Variants in SMAP2 observed in about 807,000 individuals in gnomAD.
SMAP2 encodes small ArfGAP2, also known as stromal membrane-associated protein 2.
A neutral mutation model predicts 56.4 loss-of-function variants in SMAP2; 25 were observed. The ratio of observed to expected loss-of-function variants is 0.44; its 90% confidence interval spans 0.32 to 0.62. SMAP2 has a LOEUF of 0.62. Ranked by LOEUF, SMAP2 falls within the 20% of genes least tolerant of loss-of-function variation. The pLI is 0.04. For missense variants in SMAP2, 388 were observed against 545.6 expected, an observed-to-expected ratio of 0.71 and a Z score of 2.88; for synonymous variants, 157 against 181.7, an observed-to-expected ratio of 0.86 and a Z score of 1.09.
chr1:40,383,330 T>C (rs1323892273), intron 1 of SMAP2, among the ~76,000 whole-genome samples: 1 of 152,114 alleles, frequency 6.6e-6, no homozygotes, highest in African/African-American at 2.4e-5. Context: ...CTCCTGCCTC[T>C]TATCCTCCTC....
chr1:40,345,851 ATATAT>A (rs1334762892), intron 1 of SMAP2, among the ~76,000 whole-genome samples: 5 of 123,812 alleles, frequency 4.0e-5, no homozygotes, highest in African/African-American at 1.4e-4. Context: ...CTTTTCTCTT[ATATAT>A]TATATTATAT....
At chr1:40,347,245 GTTTTTGTTTT>G (rs1644392607) in intron 1 of SMAP2, among the ~76,000 whole-genome samples, 1 of 47,376 alleles carries the variant, frequency 2.1e-5, no homozygotes, top group African/African-American at 5.7e-5. Flanking sequence ...TGTGTGTTTT[GTTTTTGTTTT>G]TTTTTTTTTT....
intron 9 of SMAP2, among the ~76,000 whole-genome samples, chr1:40,417,302 A>G (rs1474605652): frequency 6.6e-6 from 1 of 151,602 alleles, no homozygotes; most frequent in Non-Finnish European, 1.5e-5. Flanking sequence ...CTCCTGTAGA[A>G]TAAGCCCAAC....
At chr1:40,372,202 A>G (rs2124193979), upstream of SMAP2, among the ~76,000 whole-genome samples, 1 of 151,968 alleles carries the variant, frequency 6.6e-6, no homozygotes, top group South Asian at 2.1e-4. Flanking sequence ...GGCTATTTGC[A>G]GAGTGAGGAG....
intron 2 of SMAP2, among the ~76,000 whole-genome samples, chr1:40,407,545 T>C (rs1006951524): frequency 2.0e-5 from 3 of 152,126 alleles, no homozygotes; most frequent in African/African-American, 7.2e-5. Flanking sequence ...ATCATAGACT[T>C]ATGGGAAAAT....
intron 1 of SMAP2, among the ~76,000 whole-genome samples, chr1:40,357,811 C>A (rs529746334): frequency 6.6e-6 from 1 of 152,212 alleles, no homozygotes; most frequent in African/African-American, 2.4e-5. Context: ...CAATGCCATG[C>A]TGTTTTGGTT....
At chr1:40,376,237 C>T (rs1333899550) in intron 1 of SMAP2, among the ~76,000 whole-genome samples, 1 of 152,210 alleles carries the variant, frequency 6.6e-6, no homozygotes, top group Admixed American at 6.5e-5. Context: ...AGGTGTGAGC[C>T]ACCATGCCCA....
At chr1:40,398,257 C>T (rs1002270609) in intron 1 of SMAP2, among the ~76,000 whole-genome samples, 1 of 151,838 alleles carries the variant, frequency 6.6e-6, no homozygotes, top group African/African-American at 2.4e-5. Context: ...TTGACAAGGT[C>T]TCACTCTGTT....
chr1:40,404,723 A>C (rs755889788), intron 1 of SMAP2, among the ~76,000 whole-genome samples: 4 of 152,242 alleles, frequency 2.6e-5, no homozygotes, highest in Non-Finnish European at 4.4e-5. Flanking sequence ...GTGCCATTTT[A>C]AATCTTATAT....
chr1:40,350,582 G>A (rs972790529), intron 1 of SMAP2, among the ~76,000 whole-genome samples: 6 of 152,138 alleles, frequency 3.9e-5, no homozygotes, highest in Admixed American at 3.3e-4. Flanking sequence ...TTGCAAATCT[G>A]GGCTGCTTCC....
chr1:40,374,052 C>A lies in SMAP2; in HGVS notation c.-69C>A. 1 of 1,283,238 alleles carries A rather than the reference C, an allele frequency of 7.8e-7. No individual in the cohort carries two copies. The highest frequency in any genetic ancestry group is 2.5e-5 in the East Asian group (1 of 40,640). 79.5% of individuals were successfully genotyped at this position (1,283,238 alleles called of 1,614,324 possible). On this transcript the variant is annotated 5_prime_UTR_variant, in exon 1 of 10. Transcript: ENST00000372718. This position sits in a 1 kb window ranked among gnomAD's most constrained non-coding sequence, Gnocchi z 5.9. Reference sequence around the variant, plus strand: ...GCGGGGGACCGGGAGTCCTCAACCCCGGACTGAGGCAGGGGTCTCTGGGGG... The same window carrying A: ...GCGGGGGACCGGGAGTCCTCAACCCAGGACTGAGGCAGGGGTCTCTGGGGG...
At chr1:40,383,097 A>T (rs1283682937) in intron 1 of SMAP2, among the ~76,000 whole-genome samples, 1 of 152,202 alleles carries the variant, frequency 6.6e-6, no homozygotes, top group Middle Eastern at 3.2e-3. Flanking sequence ...GTAGGTTACA[A>T]GGCTGCTAGA....
intron 3 of SMAP2, 23 bp from the exon 4 acceptor site, chr1:40,409,734 C>T (rs2124349308): frequency 6.6e-7 from 1 of 1,524,212 alleles, no homozygotes; most frequent in Non-Finnish European, 9.1e-7. Context: ...TTGTTGGATT[C>T]ATCCTTAATA....
intron 1 of SMAP2, among the ~76,000 whole-genome samples, chr1:40,345,888 G>GTATTGTATTATATTATATTATATTA (rs1553187229): frequency 5.8e-5 from 7 of 120,126 alleles, no homozygotes; most frequent in Non-Finnish European, 1.2e-4. Flanking sequence ...ATATTGTATT[G>GTATTGTATTATATTATATTATATTA]TATTATATTA....
intron 2 of SMAP2, among the ~76,000 whole-genome samples, chr1:40,363,298 G>A (rs144444973): frequency 7.2e-5 from 11 of 152,080 alleles, no homozygotes; most frequent in African/African-American, 2.7e-4. Context: ...AGCTGGGAAG[G>A]TAAATCATGG....
chr1:40,407,538 A>G (rs569595547), intron 2 of SMAP2, among the ~76,000 whole-genome samples: 1 of 152,270 alleles, frequency 6.6e-6, no homozygotes, highest in Non-Finnish European at 1.5e-5. Context: ...CCTCCAAATC[A>G]TAGACTTATG....
rs544672227 is a variant in SMAP2, at chr1:40,352,013, G to T, written c.-83+7103G>T. On this transcript the variant is annotated intron_variant, in intron 1 of 6. Transcript: ENST00000435168. ...TCTCTCCCCAAGACTGCACACACCC[G>T]CACATCCATGAATTTTTTTTTCTTT... Among the ~76,000 whole-genome samples the T allele has an allele frequency of 2.8e-4, 42 of 151,934 alleles. 1 individual carries two copies. The highest frequency in any genetic ancestry group is 9.9e-4 in the African/African-American group (41 of 41,426).
intron 1 of SMAP2, 120 bp from the exon 2 acceptor site, chr1:40,406,616 T>TAA: frequency 9.5e-7 from 1 of 1,056,852 alleles, no homozygotes; most frequent in South Asian, 1.6e-5. Flanking sequence ...AATAAACAGG[T>TAA]GGTTATGGTA....
chr1:40,376,782 TA>T (rs922500959), intron 1 of SMAP2, among the ~76,000 whole-genome samples: 7 of 152,196 alleles, frequency 4.6e-5, no homozygotes, highest in Admixed American at 2.0e-4. Flanking sequence ...TGTCCTTTCC[TA>T]AAAAATTGGA....
Sources: allele counts gnomAD v4.1 joint callset (sites outside exome capture counted in the v4.1 genomes callset), GRCh38; gene constraint gnomAD v4.1.1; non-coding constraint Gnocchi (gnomAD v3.1); transcripts MANE v1.5; gene names NCBI Gene and HGNC (gene_info 2026-07-23, HGNC 2026-07-21).